Variants in TFAP2D observed in about 807,000 individuals in gnomAD.
The protein encoded by TFAP2D is transcription factor AP-2-delta.
A neutral mutation model predicts 43.6 loss-of-function variants in TFAP2D; 9 were observed. The observed-to-expected ratio is 0.21, with a 90% CI of 0.12 to 0.36. The LOEUF is 0.36. TFAP2D is among the 10% of genes least tolerant of loss of function. The probability of loss-of-function intolerance (pLI) is 1.00; values close to 1 mark genes in which losing one functional copy is unlikely to be tolerated. For synonymous variants in TFAP2D, 256 were observed against 224.9 expected (o/e 1.14, Z -1.24); for missense variants, 513 against 561.4 (o/e 0.91, Z 0.87).
chr6:50,732,451 C>A (rs149606623), intron 5 of TFAP2D, among the ~76,000 whole-genome samples: 1 of 152,074 alleles, frequency 6.6e-6, no homozygotes, highest in East Asian at 1.9e-4. Context: ...TTCAATCATA[C>A]CCCCACATTT....
Position 50,772,714 on chromosome 6 carries a change from T to C in TFAP2D, c.1209T>C (p.Ser403=). The part of the protein sequence containing the change: ...AALSTFQTVL[S]EMLNYLEKHT... ...TAAGCACTTTCCAAACAGTTCTCAG[T>C]GAAATGCTGAACTACTTGGAAAAAC... Residue 403 remains serine, a synonymous_variant, in exon 8 of 8, where the codon AGT becomes AGC. Transcript: ENST00000008391. 1 of 1,614,090 alleles carries C rather than the reference T, an allele frequency of 6.2e-7. No homozygotes were observed. The highest frequency in any genetic ancestry group is 8.5e-7 in the Non-Finnish European group (1 of 1,180,002).
intron 7 of TFAP2D, among the ~76,000 whole-genome samples, chr6:50,768,559 G>A (rs1414869360): frequency 3.3e-5 from 5 of 151,904 alleles, no homozygotes; most frequent in African/African-American, 4.8e-5. Flanking sequence ...GATGACTGGG[G>A]CTAAAAGAAT....
chr6:50,715,705 T>C (rs1768611172), intron 2 of TFAP2D, 92 bp downstream of exon 2: 9 of 1,357,272 alleles, frequency 6.6e-6, no homozygotes, highest in Non-Finnish European at 9.0e-6. Flanking sequence ...AGCGTCTCTC[T>C]TTCTCTCTCT....
chr6:50,755,871 T>C (rs1769257038), intron 7 of TFAP2D, among the ~76,000 whole-genome samples: 1 of 151,898 alleles, frequency 6.6e-6, no homozygotes, highest in African/African-American at 2.4e-5. Context: ...ATACAGCATG[T>C]CTTTTTTATT....
chr6:50,768,514 T>C lies in TFAP2D; in HGVS notation c.1140-4131T>C, dbSNP rs570839058. On this transcript the variant is annotated intron_variant, in intron 7 of 7. Transcript: ENST00000008391. ...GAACCCAGCCCCCTCCTTTTCTGTA[T>C]GTCACTGTGAATGAGATACACACCT... Among the ~76,000 whole-genome samples, 389 of 152,050 alleles carry C rather than the reference T, an allele frequency of 2.6e-3. 1 individual carries two copies. Among genetic ancestry groups the C allele is most frequent in the South Asian group, 0.016 (75 of 4,814 alleles).
intron 4 of TFAP2D, 51 bp downstream of exon 4, chr6:50,729,072 C>G (rs369524743): frequency 6.2e-7 from 1 of 1,607,362 alleles, no homozygotes; most frequent in East Asian, 2.2e-5. Flanking sequence ...TGATACCATA[C>G]CCTCAACCCT....
chr6:50,761,177 A>C lies in TFAP2D; in HGVS notation c.1139+9853A>C, dbSNP rs189586374. 2.6e-4 allele frequency among the ~76,000 whole-genome samples: 39 copies of C among 151,824 alleles called. No homozygotes were observed. The East Asian group carries it at 6.2e-3, about 24-fold the overall frequency. On this transcript the variant is annotated intron_variant, in intron 7 of 7. Transcript: ENST00000008391. ...ACACCCATTGAAATAATGCAACATA[A>C]CAAAATAATAGGAATAATAACCCAA... is the stretch of plus-strand genomic sequence containing the variant.
At chr6:50,751,817 A>T (rs1769205020) in intron 7 of TFAP2D, among the ~76,000 whole-genome samples, 14 of 151,960 alleles carry the variant, frequency 9.2e-5, no homozygotes, top group Admixed American at 9.2e-4. Flanking sequence ...TGAATTTTTT[A>T]AAATTCCAAG....
intron 3 of TFAP2D, among the ~76,000 whole-genome samples, chr6:50,726,902 T>A (rs994426248): frequency 6.6e-6 from 1 of 152,202 alleles, no homozygotes; most frequent in Admixed American, 6.5e-5. Context: ...CAGGAGAATT[T>A]GTTTTTAGCT....
intron 2 of TFAP2D, among the ~76,000 whole-genome samples, chr6:50,716,890 T>A (rs1003766760): frequency 6.6e-6 from 1 of 152,218 alleles, no homozygotes; most frequent in Admixed American, 6.5e-5. Context: ...AGATTATTTT[T>A]AAATTAAAGT....
At chr6:50,729,458 C>G (rs1768853101) in intron 5 of TFAP2D, 146 bp downstream of exon 5, 1 of 615,052 alleles carries the variant, frequency 1.6e-6, no homozygotes. Context: ...ATTATCTTGA[C>G]AATGATGATT....
At chr6:50,771,942 CG>C (rs1460280440) in intron 7 of TFAP2D, among the ~76,000 whole-genome samples, 1 of 152,074 alleles carries the variant, frequency 6.6e-6, no homozygotes, top group Non-Finnish European at 1.5e-5. Context: ...CACATGCACA[CG>C]TATGTTTATT....
In TFAP2D at chr6:50,751,322, C is replaced by T; in HGVS notation, c.1137C>T (p.Phe379=). 6.2e-7 allele frequency: 1 copy of T among 1,604,738 alleles called. No homozygotes were observed. The highest frequency in any genetic ancestry group is 2.2e-5 in the East Asian group (1 of 44,744). The change falls in exon 7 of 8, where the codon TTC becomes TTT. Residue 379 remains phenylalanine (F), a splice_region_variant and synonymous_variant. Transcript: ENST00000008391. ...ACATCCAGAGACATTTAACACATTT[C>T]AGGTAAGACTGGTTTTCCAGTTTGC... ...DLDIQRHLTH[F]SLITHGFGTP...
chr6:50,750,413 A>G (rs1266554060), intron 6 of TFAP2D, among the ~76,000 whole-genome samples: 1 of 151,974 alleles, frequency 6.6e-6, no homozygotes, highest in Non-Finnish European at 1.5e-5. Flanking sequence ...TACTTTTCAG[A>G]GACTGGACTA....
chr6:50,768,273 C>CTTTTTTTTTTTTTTT (rs67686384), intron 7 of TFAP2D, among the ~76,000 whole-genome samples: 2 of 77,282 alleles, frequency 2.6e-5, no homozygotes, highest in East Asian at 4.0e-4. Flanking sequence ...TTCTAATTTT[C>CTTTTTTTTTTTTTTT]TTTTTTTTTT....
rs2113898201 is a variant in TFAP2D, at chr6:50,772,742, A to G, written c.1237A>G (p.Thr413Ala). 6.2e-7 allele frequency: 1 copy of G among 1,614,164 alleles called. No individual in the cohort carries two copies. Among genetic ancestry groups the G allele is most frequent in the African/African-American group, 1.3e-5 (1 of 75,040 alleles). ...SEMLNYLEKH[T>A]THKNGGAADS... Reference sequence around the variant, plus strand: ...AATGCTGAACTACTTGGAAAAACACACTACTCACAAGAACGGCGGAGCGGC... The same window carrying G: ...AATGCTGAACTACTTGGAAAAACACGCTACTCACAAGAACGGCGGAGCGGC... Residue 413 changes from threonine to alanine, a missense_variant, in exon 8 of 8, where the codon ACT becomes GCT. Physicochemically the swap from Thr to Ala is moderately conservative, Grantham distance 58. Transcript: ENST00000008391.
chr6:50,739,436 G>T lies in TFAP2D; in HGVS notation c.884-5671G>T, dbSNP rs144978690. ...TTATGGCTGCATAGTATTCCATGGT[G>T]TATATGTGCCACATTTTTTTAATCC... On this transcript the variant is annotated intron_variant, in intron 5 of 7. Transcript: ENST00000008391. Among the ~76,000 whole-genome samples the T allele has an allele frequency of 1.9e-3, 295 of 152,258 alleles. 11 individuals are homozygous for T. In the East Asian group the frequency reaches 0.052, roughly 27 times the overall value.
intron 6 of TFAP2D, among the ~76,000 whole-genome samples, chr6:50,749,629 T>C: frequency 6.6e-6 from 1 of 151,888 alleles, no homozygotes; most frequent in East Asian, 1.9e-4. Context: ...CACAAAAGAT[T>C]ATGATATACT....
chr6:50,735,080 G>T (rs1768943976), intron 5 of TFAP2D, among the ~76,000 whole-genome samples: 1 of 152,054 alleles, frequency 6.6e-6, no homozygotes, highest in Non-Finnish European at 1.5e-5. Flanking sequence ...CTTCACATAA[G>T]ATTGTTGCAA....
Sources: gnomAD v4.1 joint callset for allele counts (sites outside exome capture counted in the v4.1 genomes callset) on GRCh38, gnomAD v4.1.1 for gene constraint, MANE v1.5 for transcripts, NCBI Gene and HGNC (gene_info 2026-07-23, HGNC 2026-07-21) for gene names.